Variants in SLC6A19 observed in about 807,000 individuals in gnomAD.
The protein encoded by SLC6A19 is sodium-dependent neutral amino acid transporter B(0)AT1.
SLC6A19 carries 67 observed loss-of-function variants against 68.3 expected under a neutral mutation model. The ratio of observed to expected loss-of-function variants is 0.98; its 90% CI spans 0.81 to 1.20. The LOEUF (loss-of-function observed/expected upper bound fraction) is 1.20. SLC6A19 is among the 50% of genes most tolerant of loss of function. The pLI is 0.00. For synonymous variants in SLC6A19, 392 were observed against 374.9 expected (o/e 1.05, Z -0.53); for missense variants, 813 against 851.6 (o/e 0.95, Z 0.56).
At chr5:1,205,982 G>T (rs35351116) in intron 1 of SLC6A19, among the ~76,000 whole-genome samples, 5,187 of 152,284 alleles carry the variant, frequency 0.034, 144 homozygotes, top group Non-Finnish European at 0.05. Flanking sequence ...TGGCTCTGCT[G>T]CTGCCACCTG....
At chr5:1,216,999 C>A (rs1337254141) in intron 8 of SLC6A19, 54 bp downstream of exon 8, 1 of 1,609,294 alleles carries the variant, frequency 6.2e-7, no homozygotes, top group Non-Finnish European at 8.5e-7. Flanking sequence ...GCTGGCACCT[C>A]AGAGTCCGGC....
chr5:1,211,413 C>T (rs1561164381), intron 3 of SLC6A19, among the ~76,000 whole-genome samples: 1 of 152,246 alleles, frequency 6.6e-6, no homozygotes, highest in Non-Finnish European at 1.5e-5. Flanking sequence ...GCAAGGGCCC[C>T]AGCCCGGGAG....
intron 6 of SLC6A19, 63 bp from the exon 7 acceptor site, chr5:1,216,495 C>T (rs1048233303): frequency 5.0e-6 from 8 of 1,611,674 alleles, no homozygotes; most frequent in Non-Finnish European, 6.8e-6. Flanking sequence ...CGGATGCTGC[C>T]CTGGGCTGTG....
intron 1 of SLC6A19, 76 bp downstream of exon 1, chr5:1,201,928 C>A: frequency 6.6e-7 from 1 of 1,512,176 alleles, no homozygotes; most frequent in Non-Finnish European, 8.9e-7. Context: ...CCTGGGCAGA[C>A]ATCCTCCCCG....
Position 1,212,608 on chromosome 5 carries a change from C to A in SLC6A19, c.663+124C>A. On this transcript the variant is annotated intron_variant, in intron 4 of 11. Coordinates refer to ENST00000304460, the MANE Select transcript of SLC6A19 (RefSeq NM_001003841.3). This position sits in a 1 kb window ranked among gnomAD's most constrained non-coding sequence, Gnocchi z 5.1. ...CCCGGGCTCTGCCTTTCCCCAGACCCCACCAAGAGAGCTGCCTTTGCCCTT... is the reference window on the plus strand; with the variant it reads ...CCCGGGCTCTGCCTTTCCCCAGACCACACCAAGAGAGCTGCCTTTGCCCTT... 8.0e-7 allele frequency: 1 copy of A among 1,256,254 alleles called. No individual in the cohort carries two copies. Among genetic ancestry groups the A allele is most frequent in the Non-Finnish European group, 1.1e-6 (1 of 893,274 alleles). 77.8% of individuals were successfully genotyped at this position (1,256,254 alleles called of 1,614,324 possible). A position where few individuals can be genotyped will look rare whatever the true frequency, so the allele number is the denominator to read the frequency against.
At position 1,215,028 on chromosome 5, in the gene SLC6A19, G is replaced by A. The variant is rs1414235975; in HGVS notation, c.887+963G>A. Among the ~76,000 whole-genome samples the A allele has an allele frequency of 6.6e-6, 1 of 152,008 alleles. No homozygotes were observed. Among genetic ancestry groups the A allele is most frequent in the East Asian group, 1.9e-4 (1 of 5,170 alleles). ...GGGCTTGTGGGCAGAGAGGGTGTTG[G>A]AGGGACAGAAAGGACCCTGGAGTCA... On this transcript the variant is annotated intron_variant, in intron 6 of 11. Coordinates refer to ENST00000304460, the MANE Select transcript of SLC6A19 (RefSeq NM_001003841.3). This position sits in a 1 kb window ranked among gnomAD's most constrained non-coding sequence, Gnocchi z 5.1.
chr5:1,208,880 G>T lies in SLC6A19; in HGVS notation c.337G>T (p.Gly113Cys). The change falls in exon 2 of 12, where the codon GGC becomes TGC. Residue 113 changes from glycine to cysteine, a missense_variant. Coordinates refer to ENST00000304460, the MANE Select transcript of SLC6A19 (RefSeq NM_001003841.3). ...GAGCTCCATCCACCCGGCCCTGAAG[G>T]GCCTAGGTGAGTGCCTCGGAGCAGT... Reference protein sequence around the residue: ...VWSSIHPALKGLGLASMLTSF... With the variant: ...VWSSIHPALKCLGLASMLTSF... 3.1e-6 allele frequency: 5 copies of T among 1,611,980 alleles called. No homozygotes were observed. The highest frequency in any genetic ancestry group is 1.1e-5 in the South Asian group (1 of 91,040).
At chr5:1,220,534 G>A (rs1210873088) in intron 10 of SLC6A19, among the ~76,000 whole-genome samples, 1 of 152,158 alleles carries the variant, frequency 6.6e-6, no homozygotes, top group Non-Finnish European at 1.5e-5. Flanking sequence ...CAGGACGCAA[G>A]GGCAGTAAGC....
At position 1,221,190 on chromosome 5, in the gene SLC6A19, C is replaced by A. The variant is rs1249759930; in HGVS notation, c.1578C>A (p.Pro526=). 1 of 1,614,012 alleles carries A rather than the reference C, an allele frequency of 6.2e-7. No homozygotes were observed. The highest frequency in any genetic ancestry group is 8.5e-7 in the Non-Finnish European group (1 of 1,180,012). ...KDIEFMIGHK[P]NIFWQVTWRV... ...TCGAGTTCATGATCGGCCACAAGCCCAACATCTTCTGGCAAGTCACGTGGC... is the reference window on the plus strand; with the variant it reads ...TCGAGTTCATGATCGGCCACAAGCCAAACATCTTCTGGCAAGTCACGTGGC... Residue 526 remains proline, a synonymous_variant, in exon 11 of 12, where the codon CCC becomes CCA. Coordinates refer to ENST00000304460, the MANE Select transcript of SLC6A19 (RefSeq NM_001003841.3).
chr5:1,221,146 G>C lies in SLC6A19; in HGVS notation c.1539-5G>C, dbSNP rs1330456130. ...AGCAGTGACAGCTGTCTCTGGCCTT[G>C]GCAGGTTCAATAAGGACATCGAGTT... On this transcript the variant is annotated splice_polypyrimidine_tract_variant and splice_region_variant and intron_variant, in intron 10 of 11. Transcript: ENST00000304460. 6.2e-7 allele frequency: 1 copy of C among 1,613,132 alleles called. No individual in the cohort carries two copies. Among genetic ancestry groups the C allele is most frequent in the Non-Finnish European group, 8.5e-7 (1 of 1,179,706 alleles).
Position 1,219,508 on chromosome 5 carries a change from T to C in SLC6A19, c.1382T>C (p.Leu461Pro). 1 of 1,611,390 alleles carries C rather than the reference T, an allele frequency of 6.2e-7. No homozygotes were observed. The highest frequency in any genetic ancestry group is 2.2e-5 in the East Asian group (1 of 44,884). ...AGCTCTGTCCCCCGGCCTGCAGGCC[T>C]CATCTGCCTGGGGACATTCCTCATT... ...PKWPKEVLTG[L>P]ICLGTFLIGF... The change falls in exon 10 of 12, where the codon CTC (leucine) becomes CCC (proline). Residue 461 changes from leucine (L) to proline (P), a missense_variant. Leu to Pro is a moderately conservative substitution (Grantham distance 98, BLOSUM62 -3). Transcript: ENST00000304460.
chr5:1,209,027 C>A lies in SLC6A19; in HGVS notation c.343+141C>A. 1 of 1,172,332 alleles carries A rather than the reference C, an allele frequency of 8.5e-7. No homozygotes were observed. The highest frequency in any genetic ancestry group is 1.6e-5 in the South Asian group (1 of 63,268). 72.6% of individuals were successfully genotyped at this position (1,172,332 alleles called of 1,614,324 possible). On this transcript the variant is annotated intron_variant, in intron 2 of 11. Coordinates refer to ENST00000304460, the MANE Select transcript of SLC6A19 (RefSeq NM_001003841.3). This position sits in a 1 kb window ranked among gnomAD's most constrained non-coding sequence, Gnocchi z 5.5. ...GTCTGTTTCTGGTGCAACAAAGGTC[C>A]CAGCTTCATCTCCTGGAGGCCTTTG...
At chr5:1,213,164 C>T (rs1301395820) in intron 4 of SLC6A19, among the ~76,000 whole-genome samples, 5 of 127,342 alleles carry the variant, frequency 3.9e-5, no homozygotes, top group Non-Finnish European at 8.5e-5. Context: ...CCCCTCCGCA[C>T]CATCCCACAT....
Position 1,213,968 on chromosome 5 carries a change from C to T in SLC6A19, c.790C>T (p.Gln264Ter), listed in dbSNP as rs1243147235. ...TGTGGCGCAGGTCACGGAGCTGGCC[C>T]AGCCGGACACCTGGCTGGACGCGGG... The part of the protein sequence containing the change: ...LFTPNVTELA[Q>*]PDTWLDAGAQ... Residue 264 changes from glutamine to a stop codon, truncating the protein, a stop_gained, in exon 6 of 12, where the codon CAG becomes TAG. Coordinates refer to ENST00000304460, the MANE Select transcript of SLC6A19 (RefSeq NM_001003841.3). LOFTEE classifies it high-confidence loss of function. 1.9e-6 allele frequency: 3 copies of T among 1,613,310 alleles called. No individual in the cohort carries two copies. Among genetic ancestry groups the T allele is most frequent in the African/African-American group, 2.7e-5 (2 of 74,938 alleles).
chr5:1,202,784 G>A (rs1018372144), intron 1 of SLC6A19, among the ~76,000 whole-genome samples: 8 of 152,320 alleles, frequency 5.3e-5, no homozygotes, highest in South Asian at 4.1e-4. Flanking sequence ...TCTCTCACGC[G>A]GGCTTTGTGA....
At chr5:1,202,783 C>G (rs112645551) in intron 1 of SLC6A19, among the ~76,000 whole-genome samples, 1,613 of 152,294 alleles carry the variant, frequency 0.011, 27 homozygotes, top group African/African-American at 0.036. Flanking sequence ...GTCTCTCACG[C>G]GGGCTTTGTG....
chr5:1,201,789 G>T lies in SLC6A19; in HGVS notation c.139G>T (p.Gly47Cys), dbSNP rs1745708834. ...GGCGCAGTACATGCTCACCTGCCTG[G>T]GCTTCTGCGTGGGCCTCGGCAACGT... ...NKAQYMLTCL[G>C]FCVGLGNVWR... Residue 47 changes from glycine to cysteine, a missense_variant, in exon 1 of 12, where the codon GGC becomes TGC. Coordinates refer to ENST00000304460, the MANE Select transcript of SLC6A19 (RefSeq NM_001003841.3). The T allele has an allele frequency of 6.2e-7, 1 of 1,612,646 alleles. No individual in the cohort carries two copies. The highest frequency in any genetic ancestry group is 8.5e-7 in the Non-Finnish European group (1 of 1,179,912).
chr5:1,205,839 T>C (rs2126493538), intron 1 of SLC6A19, among the ~76,000 whole-genome samples: 1 of 152,118 alleles, frequency 6.6e-6, no homozygotes, highest in Non-Finnish European at 1.5e-5. Context: ...TGGGTGTCCC[T>C]GCAGGTGAGC....
chr5:1,221,329 G>A lies in SLC6A19; in HGVS notation c.1701+16G>A, dbSNP rs756799938. ...CCCTGGCTACGTAAGTGTCCAGGCAGTCGCCTGGGGTGGGGAGAGGAATGG... is the reference window on the plus strand; with the variant it reads ...CCCTGGCTACGTAAGTGTCCAGGCAATCGCCTGGGGTGGGGAGAGGAATGG... On this transcript the variant is annotated intron_variant, in intron 11 of 11. Transcript: ENST00000304460. 7.3e-5 allele frequency: 118 copies of A among 1,611,938 alleles called. 2 individuals are homozygous for A. In the South Asian group the frequency reaches 1.3e-3, roughly 17 times the overall value.
Sources: gnomAD v4.1 joint callset for allele counts (sites outside exome capture counted in the v4.1 genomes callset) on GRCh38, gnomAD v4.1.1 for gene constraint, Gnocchi (gnomAD v3.1) non-coding constraint, MANE v1.5 for transcripts, NCBI Gene and HGNC (gene_info 2026-07-23, HGNC 2026-07-21) for gene names.